ARID3A: variants seen among roughly 807,000 people sequenced by gnomAD.
ARID3A encodes the protein AT-rich interaction domain 3A, also known as AT-rich interactive domain-containing protein 3A.
Under a neutral mutation model 52.7 loss-of-function variants are expected in ARID3A, and 11 were observed. That is an observed-to-expected ratio of 0.21 (90% confidence interval 0.13 to 0.35). ARID3A has a LOEUF of 0.35. ARID3A is among the 10% of genes least tolerant of loss of function. The pLI, the probability that ARID3A is intolerant of heterozygous loss-of-function variation, is 1.00. For synonymous variants in ARID3A, 404 were observed against 359.4 expected, an observed-to-expected ratio of 1.12 and a Z score of -1.40; for missense variants, 721 against 838.5, an observed-to-expected ratio of 0.86 and a Z score of 1.73.
Position 958,578 on chromosome 19 carries a change from G to A in ARID3A, c.694-1514G>A, listed in dbSNP as rs375777355. Among the ~76,000 whole-genome samples the A allele has an allele frequency of 7.4e-4, 112 of 152,274 alleles. 1 individual carries two copies. Among genetic ancestry groups the A allele is most frequent in the South Asian group, 5.6e-3 (27 of 4,830 alleles). On this transcript the variant is annotated intron_variant, in intron 3 of 8. Transcript: ENST00000263620. Reference sequence around the variant, plus strand: ...TTGACACTTTGGTCAACCTCAGACCGCAGATGGGACGGTGGTCCCACAGGA... The same window carrying A: ...TTGACACTTTGGTCAACCTCAGACCACAGATGGGACGGTGGTCCCACAGGA...
At chr19:968,708 G>T (rs770264610) in intron 8 of ARID3A, 4 of 526,766 alleles carry the variant, frequency 7.6e-6, no homozygotes, top group Non-Finnish European at 1.4e-5. Context: ...CCCAGAGGGG[G>T]TCGTCCACAG....
chr19:934,297 C>T (rs577198786), intron 3 of ARID3A, among the ~76,000 whole-genome samples: 16 of 152,222 alleles, frequency 1.1e-4, no homozygotes, highest in African/African-American at 1.9e-4. Context: ...CAGACAGCCC[C>T]GGCCTCCAAG....
chr19:962,676 G>A (rs572341616), intron 4 of ARID3A, among the ~76,000 whole-genome samples: 29 of 152,052 alleles, frequency 1.9e-4, no homozygotes, highest in African/African-American at 5.8e-4. Context: ...CACCACGCCC[G>A]GCTAATTTTT....
chr19:931,732 G>T (rs1457355000), intron 2 of ARID3A, among the ~76,000 whole-genome samples: 1 of 151,508 alleles, frequency 6.6e-6, no homozygotes. Context: ...AGAATGGCAT[G>T]AACCCGGGAG....
intron 3 of ARID3A, among the ~76,000 whole-genome samples, chr19:958,384 C>T (rs7507835): frequency 0.71 from 101,047 of 141,852 alleles, 37,078 homozygotes; most frequent in Middle Eastern, 0.85. Context: ...GCCAAGATCG[C>T]GCCACTGCAC....
chr19:933,061 G>A (rs544482672), intron 3 of ARID3A, among the ~76,000 whole-genome samples: 5 of 152,224 alleles, frequency 3.3e-5, no homozygotes, highest in East Asian at 1.9e-4. Context: ...GCGCCGGCCC[G>A]AGCTGGGCTT....
At position 955,155 on chromosome 19, in the gene ARID3A, G is replaced by A. The variant is rs938967493; in HGVS notation, c.694-4937G>A. 4.6e-5 allele frequency among the ~76,000 whole-genome samples: 7 copies of A among 152,206 alleles called. No homozygotes were observed. The South Asian group carries it at 6.2e-4, about 14-fold the overall frequency. On this transcript the variant is annotated intron_variant, in intron 3 of 8. Coordinates refer to ENST00000263620, the MANE Select transcript of ARID3A (RefSeq NM_005224.3). ...GTGCTGTGGCCCAGCAGTTCAACCC[G>A]GGATCTGGCCCACAAGGGGGGCCTG...
In ARID3A at chr19:943,132, G is replaced by A. The variant is rs536874825; in HGVS notation, c.693+10390G>A. On this transcript the variant is annotated intron_variant, in intron 3 of 8. Coordinates refer to ENST00000263620, the MANE Select transcript of ARID3A (RefSeq NM_005224.3). ...ACAAATTAGCTGGGTGTGGTGGTGC[G>A]TGCCTGTGGTCCCAGCTACTCTGGA... Among the ~76,000 whole-genome samples the A allele has an allele frequency of 3.3e-4, 50 of 152,002 alleles. No homozygotes were observed. The East Asian group carries it at 8.1e-3, about 25-fold the overall frequency.
rs1182492944 is a variant in ARID3A at position 947,897 on chromosome 19, G to GC, written c.694-12193dup. ...GGCGGGGCTCTCAGCATCTGCATCC[G>GC]CCGAGGCCTGGCTGTGCTGACGGGA... On this transcript the variant is annotated intron_variant, in intron 3 of 8. Transcript: ENST00000263620. The surrounding 1 kb of genome is among the most constrained non-coding windows in gnomAD (Gnocchi z 6.3). Among the ~76,000 whole-genome samples, 5 of 152,152 alleles carry GC rather than the reference G, an allele frequency of 3.3e-5. No individual in the cohort carries two copies. The highest frequency in any genetic ancestry group is 1.2e-4 in the African/African-American group (5 of 41,432).
rs1029796581 is a variant in ARID3A, at chr19:941,329, G to C, written c.693+8587G>C. Among the ~76,000 whole-genome samples, 3 of 152,194 alleles carry C rather than the reference G, an allele frequency of 2.0e-5. No individual in the cohort carries two copies. The highest frequency in any genetic ancestry group is 7.2e-5 in the African/African-American group (3 of 41,468). On this transcript the variant is annotated intron_variant, in intron 3 of 8. Coordinates refer to ENST00000263620, the MANE Select transcript of ARID3A (RefSeq NM_005224.3). This position sits in a 1 kb window ranked among gnomAD's most constrained non-coding sequence, Gnocchi z 6.9. Reference sequence around the variant, plus strand: ...CTGCCTGGGAGGGAATCTTGCTCCAGACACAGCATCTTCGGACCCTCCAAG... The same window carrying C: ...CTGCCTGGGAGGGAATCTTGCTCCACACACAGCATCTTCGGACCCTCCAAG...
In ARID3A at chr19:941,103, T is replaced by C. The variant is rs905865297; in HGVS notation, c.693+8361T>C. Among the ~76,000 whole-genome samples, 14 of 152,124 alleles carry C rather than the reference T, an allele frequency of 9.2e-5. No individual in the cohort carries two copies. Among genetic ancestry groups the C allele is most frequent in the Non-Finnish European group, 1.5e-5 (1 of 67,994 alleles). ...GCCCACCGCCGGCGTCCCACCCTGGTGGCTGCTGCCAAGCGCCGGCCCCGC... is the reference window on the plus strand; with the variant it reads ...GCCCACCGCCGGCGTCCCACCCTGGCGGCTGCTGCCAAGCGCCGGCCCCGC... On this transcript the variant is annotated intron_variant, in intron 3 of 8. Coordinates refer to ENST00000263620, the MANE Select transcript of ARID3A (RefSeq NM_005224.3). The surrounding 1 kb of genome is among the most constrained non-coding windows in gnomAD (Gnocchi z 6.9).
rs958446165 is a variant in ARID3A, at chr19:966,946, A to G, written c.1495+78A>G. 5.5e-6 allele frequency: 8 copies of G among 1,455,958 alleles called. No homozygotes were observed. The South Asian group carries it at 1.2e-4, about 21-fold the overall frequency. The allele number at this position is 1,455,958 out of a possible 1,614,324, so 90.2% of individuals were successfully genotyped here. On this transcript the variant is annotated intron_variant, in intron 7 of 8. Transcript: ENST00000263620. ...AGGGCCTTGGAGCCTACATATGTAA[A>G]GAGTGCCAACAAATCAATAAGAAAA... is the stretch of plus-strand genomic sequence containing the variant.
Position 975,610 on chromosome 19 carries a change from T to G in ARID3A, c.*3545T>G, listed in dbSNP as rs2038362466. 1 of 194,528 alleles carries G rather than the reference T, an allele frequency of 5.1e-6. No individual in the cohort carries two copies. Among genetic ancestry groups the G allele is most frequent in the East Asian group, 8.1e-5 (1 of 12,394 alleles). The allele number at this position is 194,528 out of a possible 1,614,324, so 12.1% of individuals were successfully genotyped here. On this transcript the variant is annotated 3_prime_UTR_variant, in exon 9 of 9. Coordinates refer to ENST00000263620, the MANE Select transcript of ARID3A (RefSeq NM_005224.3). ...TAATAGGAGGAAAAAAAAAAAAACT[T>G]AAAAAAATTTTTAAAAAACATAAAA...
At position 975,286 on chromosome 19, in the gene ARID3A, T is replaced by G. The variant is rs1232595507; in HGVS notation, c.*3221T>G. The G allele has an allele frequency of 8.6e-6, 2 of 231,652 alleles. No individual in the cohort carries two copies. The highest frequency in any genetic ancestry group is 4.4e-5 in the African/African-American group (2 of 45,204). The allele number at this position is 231,652 out of a possible 1,614,324, so 14.3% of individuals were successfully genotyped here. ...CGGGGGCTCCCCCTGCTCTGAGATG[T>G]TGGGAGAAAGGCGGCTTCTGGAACC... On this transcript the variant is annotated 3_prime_UTR_variant, in exon 9 of 9. Transcript: ENST00000263620.
intron 3 of ARID3A, among the ~76,000 whole-genome samples, chr19:951,702 T>C (rs1240809115): frequency 6.6e-6 from 1 of 152,208 alleles, no homozygotes; most frequent in Non-Finnish European, 1.5e-5. Flanking sequence ...CTCAGGCTGC[T>C]GCCCGGAGGG....
At chr19:939,384 TG>T (rs966554879) in intron 3 of ARID3A, among the ~76,000 whole-genome samples, 2 of 152,196 alleles carry the variant, frequency 1.3e-5, no homozygotes, top group Non-Finnish European at 2.9e-5. Flanking sequence ...CCCAGAGTGC[TG>T]GGATGACAGG....
chr19:934,578 C>G (rs8109379), intron 3 of ARID3A, among the ~76,000 whole-genome samples: 2,364 of 152,302 alleles, frequency 0.016, 56 homozygotes, highest in African/African-American at 0.053. Flanking sequence ...CCTGGAGATC[C>G]TGCCGCCCCG....
chr19:966,418 A>G lies in ARID3A; in HGVS notation c.1199-154A>G, dbSNP rs2038154860. Among the ~76,000 whole-genome samples the G allele has an allele frequency of 2.0e-5, 3 of 148,776 alleles. No individual in the cohort carries two copies. The Admixed American group carries it at 2.0e-4, about 10-fold the overall frequency. On this transcript the variant is annotated intron_variant, in intron 6 of 8. Coordinates refer to ENST00000263620, the MANE Select transcript of ARID3A (RefSeq NM_005224.3). ...GGTTGCGGTGAGCTGAGATCGCACC[A>G]TTGCACTCCAGCCTGGGCAACAAGA...
In ARID3A at chr19:971,943, G is replaced by C; in HGVS notation, c.1660G>C (p.Gly554Arg). Residue 554 changes from glycine to arginine, a missense_variant, in exon 9 of 9, where the codon GGC (glycine) becomes CGC (arginine). Gly to Arg is a moderately radical substitution (Grantham distance 125). This residue lies in a region of ARID3A where 297 missense variants were observed against 343.2 expected (regional missense o/e 0.87). Transcript: ENST00000263620. ...TGCTCCCAACAAAGGAGGCGGCGGC[G>C]GCGGCGGCAGCAGCAGCAACGCAGG... The part of the protein sequence containing the change: ...TSAPNKGGGG[G>R]GGSSSNAGGR... The C allele has an allele frequency of 6.2e-7, 1 of 1,600,502 alleles. No homozygotes were observed. The highest frequency in any genetic ancestry group is 8.5e-7 in the Non-Finnish European group (1 of 1,174,484).
Sources: allele counts gnomAD v4.1 joint callset (sites outside exome capture counted in the v4.1 genomes callset), GRCh38; gene constraint gnomAD v4.1.1; regional missense constraint gnomAD v4.1.1; non-coding constraint Gnocchi (gnomAD v3.1); transcripts MANE v1.5; gene names NCBI Gene and HGNC (gene_info 2026-07-23, HGNC 2026-07-21).